VPS41: variants seen among roughly 807,000 people sequenced by gnomAD.
VPS41 encodes the protein vacuolar protein sorting-associated protein 41 homolog.
VPS41 carries 85 observed loss-of-function variants against 130.9 expected under a neutral mutation model. The ratio of observed to expected loss-of-function variants is 0.65; its 90% CI spans 0.55 to 0.78. The LOEUF (loss-of-function observed/expected upper bound fraction) is 0.78, where lower values mean the gene tolerates loss of function less well. Among genes scored for constraint, VPS41 ranks in the 30% least tolerant of loss-of-function variants. VPS41 has a pLI of 0.00. For missense variants in VPS41, 874 were observed against 1,018.7 expected, an observed-to-expected ratio of 0.86 and a Z score of 1.93; for synonymous variants, 335 against 332.9, an observed-to-expected ratio of 1.01 and a Z score of -0.07.
intron 8 of VPS41, 43 bp downstream of exon 8, chr7:38,796,693 CCATTCTTCT>C: frequency 6.2e-7 from 1 of 1,611,180 alleles, no homozygotes; most frequent in East Asian, 2.2e-5. Flanking sequence ...ATCAAGTTGG[CCATTCTTCT>C]GCCACTGAAC....
intron 17 of VPS41, 35 bp downstream of exon 17, chr7:38,763,420 G>C: frequency 7.0e-7 from 1 of 1,422,188 alleles, no homozygotes; most frequent in Non-Finnish European, 9.6e-7. Flanking sequence ...CTCCCATCGA[G>C]AACAAGTAAA....
intron 15 of VPS41, 71 bp from the exon 16 acceptor site, chr7:38,765,732 T>C (rs1380920467): frequency 2.1e-6 from 2 of 957,612 alleles, no homozygotes; most frequent in Non-Finnish European, 3.2e-6. Context: ...AGAGACAGAA[T>C]AAGTAGACAT....
chr7:38,828,839 G>C (rs911547656), intron 5 of VPS41, among the ~76,000 whole-genome samples: 3 of 152,164 alleles, frequency 2.0e-5, no homozygotes, highest in African/African-American at 4.8e-5. Context: ...CCACCAGATG[G>C]AGTAGCTAAC....
intron 27 of VPS41, among the ~76,000 whole-genome samples, chr7:38,727,910 A>AG (rs1313625103): frequency 6.6e-6 from 1 of 152,228 alleles, no homozygotes; most frequent in African/African-American, 2.4e-5. Flanking sequence ...ATGAAGACAT[A>AG]TATCTATCTG....
Position 38,828,268 on chromosome 7 carries a change from C to T in VPS41, c.321+1986G>A, listed in dbSNP as rs1217534253. On this transcript the variant is annotated intron_variant, in intron 5 of 28. Transcript: ENST00000310301. ...ACACACACACACACACGCACACATACGATATGTGTGTCTCAAAATGTAGAA... is the reference window on the plus strand; with the variant it reads ...ACACACACACACACACGCACACATATGATATGTGTGTCTCAAAATGTAGAA... Among the ~76,000 whole-genome samples the T allele has an allele frequency of 2.0e-5, 3 of 151,566 alleles. No individual in the cohort carries two copies. In the South Asian group the frequency reaches 6.3e-4, roughly 32 times the overall value.
intron 2 of VPS41, among the ~76,000 whole-genome samples, chr7:38,890,867 G>T (rs929423302): frequency 2.6e-5 from 4 of 151,970 alleles, no homozygotes; most frequent in Middle Eastern, 3.4e-3. Flanking sequence ...TAAATTTTTT[G>T]TAGAGACGGG....
Position 38,767,549 on chromosome 7 carries a change from T to C in VPS41, c.1235A>G (p.Asp412Gly). Reference protein sequence around the residue: ...INHLVERGDYDIAARKCQKIL... With the variant: ...INHLVERGDYGIAARKCQKIL... ...ATGTCATCATTACCGTGCTGCTATG[T>C]CATAGTCTCCTCTCTCCACCAGGTG... The change falls in exon 15 of 29, where the codon GAC (aspartate) becomes GGC (glycine). Residue 412 changes from aspartate to glycine, a missense_variant. Asp to Gly is a moderately conservative substitution (Grantham distance 94). Transcript: ENST00000310301. 1 of 1,607,996 alleles carries C rather than the reference T, an allele frequency of 6.2e-7. No homozygotes were observed. The highest frequency in any genetic ancestry group is 1.3e-5 in the African/African-American group (1 of 74,914).
chr7:38,836,225 C>T (rs902720749), intron 4 of VPS41, among the ~76,000 whole-genome samples: 2 of 151,850 alleles, frequency 1.3e-5, no homozygotes, highest in African/African-American at 4.8e-5. Flanking sequence ...CAATTAGATG[C>T]TGTTGATCTA....
intron 6 of VPS41, among the ~76,000 whole-genome samples, chr7:38,819,562 T>G (rs1177266817): frequency 6.6e-6 from 1 of 152,170 alleles, no homozygotes; most frequent in Non-Finnish European, 1.5e-5. Flanking sequence ...AAAAGAGTCC[T>G]CAGCAAGGTC....
rs1410956287 is a variant in VPS41 at position 38,737,371 on chromosome 7, AAAAAAATAAAAAT to A, written c.2259+4601_2259+4613del. On this transcript the variant is annotated intron_variant, in intron 25 of 28. Coordinates refer to ENST00000310301, the MANE Select transcript of VPS41 (RefSeq NM_014396.4). ...TGGCGACAGAGCAAGACTCCGTCTC[AAAAAAATAAAAAT>A]AAAAAATAAAAACAAAACTTCATAA... 1.8e-4 allele frequency among the ~76,000 whole-genome samples: 27 copies of A among 152,272 alleles called. No homozygotes were observed. In the East Asian group the frequency reaches 5.0e-3, roughly 28 times the overall value.
chr7:38,818,449 T>C (rs1785105492), intron 6 of VPS41, among the ~76,000 whole-genome samples: 1 of 152,156 alleles, frequency 6.6e-6, no homozygotes, highest in Admixed American at 6.5e-5. Context: ...CCTGTTCCCC[T>C]GATTCTCATC....
chr7:38,802,231 G>A lies in VPS41; in HGVS notation c.451-5367C>T, dbSNP rs143243761. ...ACGTTTGGCCTGAACGGTAATTTCT[G>A]AAATGTGTCTGCAGGCCTGCAGAAG... On this transcript the variant is annotated intron_variant, in intron 7 of 28. Coordinates refer to ENST00000310301, the MANE Select transcript of VPS41 (RefSeq NM_014396.4). 7.2e-5 allele frequency among the ~76,000 whole-genome samples: 11 copies of A among 152,276 alleles called. No homozygotes were observed. The East Asian group carries it at 2.1e-3, about 29-fold the overall frequency.
intron 5 of VPS41, among the ~76,000 whole-genome samples, chr7:38,828,190 G>A (rs1438495449): frequency 6.6e-6 from 1 of 151,996 alleles, no homozygotes; most frequent in South Asian, 2.1e-4. Context: ...AACCTTGTAT[G>A]TACTTATCCT....
intron 4 of VPS41, among the ~76,000 whole-genome samples, chr7:38,856,823 A>G (rs1441823817): frequency 6.6e-6 from 1 of 152,200 alleles, no homozygotes; most frequent in Non-Finnish European, 1.5e-5. Flanking sequence ...ACAGAAGTGT[A>G]TTCTAGAGAG....
intron 19 of VPS41, among the ~76,000 whole-genome samples, chr7:38,755,239 G>A (rs574113396): frequency 3.9e-5 from 6 of 152,192 alleles, no homozygotes; most frequent in South Asian, 4.2e-4. Flanking sequence ...CCGATGTCTC[G>A]GATACCTTCA....
At chr7:38,767,434 G>A in intron 15 of VPS41, 103 bp downstream of exon 15, 1 of 620,296 alleles carries the variant, frequency 1.6e-6, no homozygotes, top group Non-Finnish European at 2.6e-6. Flanking sequence ...TTAGAAAGAT[G>A]TACAAAAATA....
intron 25 of VPS41, among the ~76,000 whole-genome samples, chr7:38,736,751 G>A (rs1468270201): frequency 3.3e-5 from 5 of 152,228 alleles, no homozygotes; most frequent in African/African-American, 4.8e-5. Flanking sequence ...AGAATAGAAA[G>A]GAGGATGAGA....
chr7:38,727,211 T>TTACCA, intron 27 of VPS41: 2 of 345,950 alleles, frequency 5.8e-6, no homozygotes, highest in South Asian at 1.4e-4. Context: ...GCTTAGCCTC[T>TTACCA]GTGTCACTTA....
At chr7:38,748,874 A>G (rs1796038989) in intron 22 of VPS41, among the ~76,000 whole-genome samples, 1 of 147,258 alleles carries the variant, frequency 6.8e-6, no homozygotes, top group Non-Finnish European at 1.5e-5. Flanking sequence ...TCTAGACTTT[A>G]GGCTTTTTTC....
Sources: allele counts gnomAD v4.1 joint callset (sites outside exome capture counted in the v4.1 genomes callset), GRCh38; gene constraint gnomAD v4.1.1; transcripts MANE v1.5; gene names NCBI Gene and HGNC (gene_info 2026-07-23, HGNC 2026-07-21).